The following HECTD2 variants were observed in gnomAD, a reference collection of about 807,000 sequenced individuals.
HECTD2 encodes HECT domain E3 ubiquitin protein ligase 2.
HECTD2 carries 35 observed loss-of-function variants against 103.2 expected under a neutral mutation model. That is an observed-to-expected ratio of 0.34 (90% CI 0.26 to 0.45). The LOEUF is 0.45. HECTD2 is among the 20% of genes least tolerant of loss of function. The probability of loss-of-function intolerance (pLI) is 1.00; values close to 1 mark genes in which losing one functional copy is unlikely to be tolerated. For missense variants in HECTD2, 596 were observed against 937.4 expected, an observed-to-expected ratio of 0.64 and a Z score of 4.76; for synonymous variants, 281 against 329.9, an observed-to-expected ratio of 0.85 and a Z score of 1.61.
intron 5 of HECTD2, among the ~76,000 whole-genome samples, chr10:91,470,592 G>C (rs910755023): frequency 3.6e-4 from 55 of 152,160 alleles, no homozygotes; most frequent in African/African-American, 1.2e-3. Flanking sequence ...CATCAAAAAT[G>C]TTAGATCTCA....
chr10:91,459,229 G>C (rs1233442990), intron 2 of HECTD2, among the ~76,000 whole-genome samples: 1 of 152,008 alleles, frequency 6.6e-6, no homozygotes, highest in African/African-American at 2.4e-5. Flanking sequence ...AGTATGTAGA[G>C]AAACTGGATC....
chr10:91,449,402 A>G (rs1471320132), intron 2 of HECTD2, among the ~76,000 whole-genome samples: 1 of 152,178 alleles, frequency 6.6e-6, no homozygotes, highest in Non-Finnish European at 1.5e-5. Flanking sequence ...TCTCAAAATA[A>G]TAAGAACTAT....
intron 14 of HECTD2, among the ~76,000 whole-genome samples, chr10:91,494,207 G>A (rs1160345052): frequency 6.6e-6 from 1 of 150,846 alleles, no homozygotes; most frequent in African/African-American, 2.5e-5. Flanking sequence ...TAAAAGGGGT[G>A]GGGGGGAATT....
Position 91,422,739 on chromosome 10 carries a change from G to A in HECTD2, c.139-2542G>A, listed in dbSNP as rs997430390. 3.9e-5 allele frequency among the ~76,000 whole-genome samples: 6 copies of A among 152,082 alleles called. No homozygotes were observed. The East Asian group carries it at 1.2e-3, about 29-fold the overall frequency. On this transcript the variant is annotated intron_variant, in intron 1 of 20. Transcript: ENST00000298068. ...ACTGACTATTTTATGGAAAGGTATT[G>A]TGTATCACTGTCTTACCTCTCTTTT... is the stretch of plus-strand genomic sequence containing the variant.
intron 2 of HECTD2, among the ~76,000 whole-genome samples, chr10:91,437,619 C>CTTTTTTTTTTTTTTTTTTTGTTTTT (rs1844179173): frequency 2.3e-5 from 2 of 87,426 alleles, no homozygotes; most frequent in African/African-American, 6.6e-5. Flanking sequence ...GATGGTTGTT[C>CTTTTTTTTTTTTTTTTTTTGTTTTT]TTTTTTTTTT....
rs1432575031 is a variant in HECTD2 at position 91,482,993 on chromosome 10, G to A, written c.738G>A (p.Thr246=). Residue 246 remains threonine (T), a synonymous_variant, in exon 8 of 21, where the codon ACG becomes ACA. Coordinates refer to ENST00000298068, the MANE Select transcript of HECTD2 (RefSeq NM_182765.6). ...LQNPQFNNTS[T]YVIYAHLLRQ... is the part of the protein sequence containing the mutation. ...ATCCTCAGTTTAATAACACATCTAC[G>A]TATGTCATCTATGCTCACTTGCTAC... is the stretch of plus-strand genomic sequence containing the variant. 3.2e-6 allele frequency: 5 copies of A among 1,555,274 alleles called. No individual in the cohort carries two copies. Among genetic ancestry groups the A allele is most frequent in the East Asian group, 2.3e-5 (1 of 44,058 alleles).
At chr10:91,466,795 AT>A (rs1845546446) in intron 5 of HECTD2, among the ~76,000 whole-genome samples, 1 of 152,308 alleles carries the variant, frequency 6.6e-6, no homozygotes, top group East Asian at 1.9e-4. Flanking sequence ...TACATTCCAT[AT>A]CATGGAAATT....
At chr10:91,494,307 A>G (rs1302328792) in intron 14 of HECTD2, among the ~76,000 whole-genome samples, 1 of 152,160 alleles carries the variant, frequency 6.6e-6, no homozygotes, top group African/African-American at 2.4e-5. Flanking sequence ...TTTCCCAGAG[A>G]GGATAGAGAT....
In HECTD2 at chr10:91,410,401, C is replaced by G; in HGVS notation, c.-38C>G. The stretch of plus-strand genomic sequence containing the variant: ...GCGCCAGCCCCAGCAACACTGAGGC[C>G]GCCGCCGCCGCCTGGCGCTCCCGCC... On this transcript the variant is annotated 5_prime_UTR_variant, in exon 1 of 21. Transcript: ENST00000298068. 7.8e-7 allele frequency: 1 copy of G among 1,277,316 alleles called. No individual in the cohort carries two copies. The highest frequency in any genetic ancestry group is 1.9e-5 in the South Asian group (1 of 51,514). The allele number at this position is 1,277,316 out of a possible 1,614,324, so 79.1% of individuals were successfully genotyped here. A position where few individuals can be genotyped will look rare whatever the true frequency, so the allele number is the denominator to read the frequency against.
At chr10:91,420,736 T>G (rs1406848528) in intron 1 of HECTD2, among the ~76,000 whole-genome samples, 6 of 152,184 alleles carry the variant, frequency 3.9e-5, no homozygotes, top group Non-Finnish European at 7.4e-5. Flanking sequence ...CTATTCTCTT[T>G]TAGCTAGTCA....
At chr10:91,427,618 A>G (rs1245991126) in intron 2 of HECTD2, among the ~76,000 whole-genome samples, 1 of 151,902 alleles carries the variant, frequency 6.6e-6, no homozygotes, top group African/African-American at 2.4e-5. Context: ...TCATTTTTTC[A>G]TGTGTTTTTT....
intron 2 of HECTD2, among the ~76,000 whole-genome samples, chr10:91,434,299 C>G (rs1053570049): frequency 1.3e-5 from 2 of 151,986 alleles, no homozygotes; most frequent in Non-Finnish European, 2.9e-5. Flanking sequence ...CTGCCTGCCA[C>G]TACTGAAGCA....
Position 91,509,873 on chromosome 10 carries a change from A to G in HECTD2, c.2211-2391A>G, listed in dbSNP as rs983375431. Among the ~76,000 whole-genome samples, 3 of 152,132 alleles carry G rather than the reference A, an allele frequency of 2.0e-5. No individual in the cohort carries two copies. The East Asian group carries it at 5.8e-4, about 29-fold the overall frequency. Reference sequence around the variant, plus strand: ...GAGATAATCTGTACACCAAACCCCCATGACATGCAGTTTACCTTATATAAC... The same window carrying G: ...GAGATAATCTGTACACCAAACCCCCGTGACATGCAGTTTACCTTATATAAC... On this transcript the variant is annotated intron_variant, in intron 20 of 20. Transcript: ENST00000298068.
In HECTD2 at chr10:91,461,264, G is replaced by GA; in HGVS notation, c.423dup (p.Val142SerfsTer2). The GA allele has an allele frequency of 6.7e-7, 1 of 1,489,674 alleles. No homozygotes were observed. Among genetic ancestry groups the GA allele is most frequent in the Non-Finnish European group, 9.1e-7 (1 of 1,098,608 alleles). 92.3% of individuals were successfully genotyped at this position (1,489,674 alleles called of 1,614,324 possible). On this transcript the variant is annotated frameshift_variant, in exon 4 of 21. Coordinates refer to ENST00000298068, the MANE Select transcript of HECTD2 (RefSeq NM_182765.6). LOFTEE classifies it high-confidence loss of function. ...GTGTTTTCATTTTAGGGAAGATGTA[G>GA]AAAAAGTTAAGTCATCAGGAGATTG...
intron 2 of HECTD2, among the ~76,000 whole-genome samples, chr10:91,435,309 A>G (rs890190940): frequency 6.6e-6 from 1 of 151,888 alleles, no homozygotes; most frequent in Non-Finnish European, 1.5e-5. Context: ...AGTTGAGACT[A>G]TTAGATGTCT....
intron 2 of HECTD2, among the ~76,000 whole-genome samples, chr10:91,425,779 A>G (rs1372779818): frequency 6.6e-6 from 1 of 151,732 alleles, no homozygotes; most frequent in Non-Finnish European, 1.5e-5. Context: ...AATACATAAA[A>G]ATAAACCTAA....
At chr10:91,476,907 G>A (rs1279323331) in intron 5 of HECTD2, among the ~76,000 whole-genome samples, 2 of 152,136 alleles carry the variant, frequency 1.3e-5, no homozygotes, top group Admixed American at 6.5e-5. Context: ...CGGGCCGGGC[G>A]CGGTGGCTCA....
intron 2 of HECTD2, among the ~76,000 whole-genome samples, chr10:91,438,624 C>A (rs1372767730): frequency 6.6e-6 from 1 of 152,152 alleles, no homozygotes; most frequent in Non-Finnish European, 1.5e-5. Context: ...CATGGTATTT[C>A]TGGTTGTAGA....
chr10:91,467,148 A>T (rs1442480170), intron 5 of HECTD2, among the ~76,000 whole-genome samples: 2 of 151,974 alleles, frequency 1.3e-5, no homozygotes, highest in Non-Finnish European at 2.9e-5. Context: ...CTCCTGTGGA[A>T]AGGGTGAGTT....
Sources: allele counts gnomAD v4.1 joint callset (sites outside exome capture counted in the v4.1 genomes callset), GRCh38; gene constraint gnomAD v4.1.1; transcripts MANE v1.5; gene names NCBI Gene and HGNC (gene_info 2026-07-23, HGNC 2026-07-21).